Variants in CUBN observed in about 807,000 individuals in gnomAD.
CUBN encodes cubilin.
Under a neutral mutation model 405.3 loss-of-function variants are expected in CUBN, and 282 were observed. The observed-to-expected ratio is 0.70, with a 90% CI of 0.63 to 0.77. The LOEUF is 0.77. Among genes scored for constraint, CUBN ranks in the 30% least tolerant of loss-of-function variants. The pLI is 0.00. For synonymous variants in CUBN, 1,684 were observed against 1,617.0 expected, an observed-to-expected ratio of 1.04 and a Z score of -0.99; for missense variants, 4,514 against 4,475.2, an observed-to-expected ratio of 1.01 and a Z score of -0.25.
At chr10:17,047,768 C>A (rs375692055) in intron 22 of CUBN, among the ~76,000 whole-genome samples, 165 bp from the exon 23 acceptor site, 1 of 152,028 alleles carries the variant, frequency 6.6e-6, no homozygotes, top group South Asian at 2.1e-4. Context: ...TTTTTGTAAT[C>A]TTAAAGACAA....
chr10:16,953,368 G>T (rs1842969882), intron 32 of CUBN, among the ~76,000 whole-genome samples: 2 of 152,182 alleles, frequency 1.3e-5, no homozygotes, highest in African/African-American at 4.8e-5. Context: ...GTATTTGGGA[G>T]ACCTCGATCC....
intron 60 of CUBN, among the ~76,000 whole-genome samples, chr10:16,846,308 C>G (rs529736357): frequency 1.3e-5 from 2 of 152,310 alleles, no homozygotes; most frequent in East Asian, 3.9e-4. Flanking sequence ...TTATTCACCA[C>G]CATTCTACAT....
chr10:16,952,393 G>T lies in CUBN; in HGVS notation c.4856-4C>A. On this transcript the variant is annotated splice_polypyrimidine_tract_variant and splice_region_variant and intron_variant, in intron 32 of 66. Coordinates refer to ENST00000377833, the MANE Select transcript of CUBN (RefSeq NM_001081.4). The stretch of plus-strand genomic sequence containing the variant: ...GTGAGGATGTGGCCTCCGCAGGCTG[G>T]GGAACACACAAACACACATACATGT... 6.4e-7 allele frequency: 1 copy of T among 1,566,932 alleles called. No individual in the cohort carries two copies. Among genetic ancestry groups the T allele is most frequent in the South Asian group, 1.1e-5 (1 of 90,052 alleles).
At chr10:17,105,843 G>A (rs60006261) in intron 10 of CUBN, among the ~76,000 whole-genome samples, 1 of 152,228 alleles carries the variant, frequency 6.6e-6, no homozygotes, top group African/African-American at 2.4e-5. Context: ...TATGTCAGAT[G>A]GTCCTGAGCT....
chr10:16,842,122 G>A (rs1233446212), intron 60 of CUBN, among the ~76,000 whole-genome samples: 4 of 150,146 alleles, frequency 2.7e-5, no homozygotes, highest in Non-Finnish European at 4.4e-5. Flanking sequence ...ATAGCTCACT[G>A]CAACCTTGAA....
rs1383362049 is a variant in CUBN at position 16,915,910 on chromosome 10, T to C, written c.7121A>G (p.Tyr2374Cys). 6.2e-7 allele frequency: 1 copy of C among 1,614,192 alleles called. No individual in the cohort carries two copies. Among genetic ancestry groups the C allele is most frequent in the South Asian group, 1.1e-5 (1 of 91,090 alleles). Residue 2374 changes from tyrosine (Y) to cysteine (C), a missense_variant, in exon 46 of 67, where the codon TAT becomes TGT. This residue lies in a region of CUBN where 1,613 missense variants were observed against 1,542.8 expected (regional missense o/e 1.05). Transcript: ENST00000377833. ...AAAGTCTTCAAAAGAGATGGTGAGA[T>C]AGTGTCCAGAGAGCCCCTGGAGATG... ...EWHLQGLSGHYLTISFEDFNL... is the reference protein window; with the variant it reads ...EWHLQGLSGHCLTISFEDFNL...
At chr10:16,836,656 T>C (rs1839179193) in intron 62 of CUBN, among the ~76,000 whole-genome samples, 1 of 152,242 alleles carries the variant, frequency 6.6e-6, no homozygotes, top group Admixed American at 6.5e-5. Context: ...TTTATGCAAC[T>C]TCCTAGCTGA....
chr10:16,987,827 T>C (rs1833469691), intron 29 of CUBN, among the ~76,000 whole-genome samples: 1 of 152,184 alleles, frequency 6.6e-6, no homozygotes, highest in African/African-American at 2.4e-5. Flanking sequence ...AAAACAAGGC[T>C]TTTGAACAAA....
intron 22 of CUBN, among the ~76,000 whole-genome samples, chr10:17,063,233 C>A (rs1014436103): frequency 3.3e-5 from 5 of 152,166 alleles, no homozygotes; most frequent in African/African-American, 1.2e-4. Flanking sequence ...TTGTGTCTTC[C>A]TGGATCTCGT....
chr10:16,982,421 T>C, intron 31 of CUBN, 63 bp downstream of exon 31: 6 of 1,403,826 alleles, frequency 4.3e-6, no homozygotes, highest in Non-Finnish European at 5.0e-6. Context: ...CTAAATATGC[T>C]TATATGGCAG....
chr10:16,879,127 C>T (rs1840597649), intron 56 of CUBN, among the ~76,000 whole-genome samples: 1 of 152,174 alleles, frequency 6.6e-6, no homozygotes, highest in Non-Finnish European at 1.5e-5. Context: ...TTTAATTTTA[C>T]AAGAAACTGC....
At chr10:17,000,939 G>C (rs45465994) in intron 28 of CUBN, among the ~76,000 whole-genome samples, 1 of 152,082 alleles carries the variant, frequency 6.6e-6, no homozygotes, top group Non-Finnish European at 1.5e-5. Flanking sequence ...ATGAAGCCAC[G>C]GACCTGAACA....
At chr10:17,082,086 C>G (rs935823852) in intron 17 of CUBN, among the ~76,000 whole-genome samples, 3 of 152,120 alleles carry the variant, frequency 2.0e-5, no homozygotes, top group Non-Finnish European at 2.9e-5. Flanking sequence ...TGTCTCTGAA[C>G]TGATAAATTC....
chr10:16,929,634 T>C (rs1170672010), intron 40 of CUBN, among the ~76,000 whole-genome samples: 1 of 152,158 alleles, frequency 6.6e-6, no homozygotes, highest in East Asian at 1.9e-4. Flanking sequence ...ATGGCATTCT[T>C]TGGAGGGTTT....
intron 6 of CUBN, among the ~76,000 whole-genome samples, chr10:17,119,323 A>G (rs1479519610): frequency 6.6e-6 from 1 of 152,186 alleles, no homozygotes; most frequent in Non-Finnish European, 1.5e-5. Flanking sequence ...CACACCATCC[A>G]TGCATGGCAA....
rs370038232 is a variant in CUBN at position 16,890,371 on chromosome 10, G to C, written c.8755C>G (p.Arg2919Gly). ...GGGTTTGGTTCTTAGGGCTACTTAC[G>C]GCTAACAAAGGACGCGGAGAAGCCC... ...AQGFSASFVS[R>G]CGSNFTGPSG... The change falls in exon 55 of 67, where the codon CGA (arginine) becomes GGA (glycine). Residue 2919 changes from arginine to glycine, a missense_variant and splice_region_variant. Transcript: ENST00000377833. The C allele has an allele frequency of 1.2e-6, 2 of 1,612,454 alleles. No homozygotes were observed. Among genetic ancestry groups the C allele is most frequent in the Non-Finnish European group, 1.7e-6 (2 of 1,179,994 alleles).
At chr10:16,905,147 A>G (rs1057359455) in intron 50 of CUBN, among the ~76,000 whole-genome samples, 1 of 152,116 alleles carries the variant, frequency 6.6e-6, no homozygotes, top group African/African-American at 2.4e-5. Context: ...ATTACACAGA[A>G]CTCAGCAAAA....
At chr10:17,047,878 T>A (rs1835175460) in intron 22 of CUBN, among the ~76,000 whole-genome samples, 1 of 152,128 alleles carries the variant, frequency 6.6e-6, no homozygotes, top group Non-Finnish European at 1.5e-5. Flanking sequence ...GTTTTTCTAA[T>A]CCTTGCAAAT....
intron 36 of CUBN, among the ~76,000 whole-genome samples, chr10:16,941,848 T>C (rs188351746): frequency 1.2e-3 from 188 of 152,036 alleles, no homozygotes; most frequent in African/African-American, 4.2e-3. Flanking sequence ...CCAGAAAATA[T>C]ATATATATTT....
Sources: allele counts gnomAD v4.1 joint callset (sites outside exome capture counted in the v4.1 genomes callset), GRCh38; gene constraint gnomAD v4.1.1; regional missense constraint gnomAD v4.1.1; transcripts MANE v1.5; gene names NCBI Gene and HGNC (gene_info 2026-07-23, HGNC 2026-07-21).